DDX10: variants seen among roughly 807,000 people sequenced by gnomAD.
The protein encoded by DDX10 is probable ATP-dependent RNA helicase DDX10.
In DDX10, 74 loss-of-function variants were observed where a neutral mutation model predicts 104.3. The ratio of observed to expected loss-of-function variants is 0.71; its 90% CI spans 0.59 to 0.86. DDX10 has a LOEUF of 0.86. Ranked by LOEUF, DDX10 falls within the 40% of genes least tolerant of loss-of-function variation. The probability of loss-of-function intolerance (pLI) is 0.00; values close to 1 mark genes in which losing one functional copy is unlikely to be tolerated. For synonymous variants in DDX10, 351 were observed against 353.4 expected, an observed-to-expected ratio of 0.99 and a Z score of 0.08; for missense variants, 952 against 1,040.0, an observed-to-expected ratio of 0.92 and a Z score of 1.16.
intron 16 of DDX10, among the ~76,000 whole-genome samples, chr11:108,864,130 C>T (rs1051250526): frequency 6.6e-6 from 1 of 152,134 alleles, no homozygotes; most frequent in African/African-American, 2.4e-5. Flanking sequence ...CTATGAATCA[C>T]ATTAAAAAAT....
chr11:108,673,237 G>A (rs888341870), intron 1 of DDX10, among the ~76,000 whole-genome samples: 1 of 152,092 alleles, frequency 6.6e-6, no homozygotes, highest in Non-Finnish European at 1.5e-5. Context: ...GTGTGTATTG[G>A]GTGACTTTTT....
At chr11:108,879,036 G>A (rs993071212) in intron 16 of DDX10, among the ~76,000 whole-genome samples, 1 of 152,072 alleles carries the variant, frequency 6.6e-6, no homozygotes, top group Non-Finnish European at 1.5e-5. Context: ...ACGGAGTCTT[G>A]CTCTGTCGCC....
chr11:108,778,567 A>G (rs1248673634), intron 13 of DDX10, among the ~76,000 whole-genome samples: 8 of 152,032 alleles, frequency 5.3e-5, no homozygotes, highest in African/African-American at 1.7e-4. Context: ...AGACTTAAAT[A>G]TTAGACCTAA....
intron 16 of DDX10, among the ~76,000 whole-genome samples, chr11:108,890,568 T>TAA (rs558893673): frequency 7.3e-6 from 1 of 137,564 alleles, no homozygotes; most frequent in Non-Finnish European, 1.6e-5. Context: ...AAATGCCACT[T>TAA]AAAAAAAAAA....
chr11:108,918,181 T>C, intron 17 of DDX10, 163 bp downstream of exon 17: 1 of 699,668 alleles, frequency 1.4e-6, no homozygotes, highest in Non-Finnish European at 2.4e-6. Flanking sequence ...GTTTTTTTAC[T>C]CATTTTGCTG....
intron 16 of DDX10, among the ~76,000 whole-genome samples, chr11:108,912,879 T>G (rs141409621): frequency 1.3e-5 from 2 of 152,288 alleles, no homozygotes; most frequent in East Asian, 3.9e-4. Flanking sequence ...GTGTATTTAG[T>G]AAGAGGCTAA....
At chr11:108,912,810 C>T (rs1863697473) in intron 16 of DDX10, among the ~76,000 whole-genome samples, 1 of 152,206 alleles carries the variant, frequency 6.6e-6, no homozygotes, top group African/African-American at 2.4e-5. Flanking sequence ...CCTATTGCTT[C>T]ACTAAGCCAG....
intron 16 of DDX10, among the ~76,000 whole-genome samples, chr11:108,861,694 A>C (rs1420789836): frequency 6.6e-6 from 1 of 152,110 alleles, no homozygotes; most frequent in Non-Finnish European, 1.5e-5. Flanking sequence ...AGAGTGTTCT[A>C]ATTTCTTAAA....
chr11:108,794,663 T>C (rs541599083), intron 13 of DDX10, among the ~76,000 whole-genome samples: 32 of 152,276 alleles, frequency 2.1e-4, no homozygotes, highest in African/African-American at 7.2e-4. Flanking sequence ...ACGTGGTTAA[T>C]GGTGTTTATT....
At chr11:108,727,489 C>A (rs2094306759) in intron 13 of DDX10, among the ~76,000 whole-genome samples, 1 of 152,080 alleles carries the variant, frequency 6.6e-6, no homozygotes, top group Non-Finnish European at 1.5e-5. Flanking sequence ...CCTGCCTTCT[C>A]TACTTTATTC....
chr11:108,821,640 A>G (rs924403611), intron 13 of DDX10, among the ~76,000 whole-genome samples: 6 of 152,170 alleles, frequency 3.9e-5, no homozygotes, highest in Admixed American at 6.5e-5. Flanking sequence ...TTTTTCTGTC[A>G]GTTGCTCTAC....
intron 13 of DDX10, among the ~76,000 whole-genome samples, chr11:108,816,621 T>C (rs2126571): frequency 0.99 from 149,751 of 151,038 alleles, 74,261 homozygotes; most frequent in Middle Eastern, 1. Context: ...GGCACGATCT[T>C]GGCTCACTGC....
intron 16 of DDX10, among the ~76,000 whole-genome samples, chr11:108,854,063 G>A (rs1221357900): frequency 6.6e-6 from 1 of 152,196 alleles, no homozygotes; most frequent in African/African-American, 2.4e-5. Flanking sequence ...TGGCTGGTCT[G>A]CAGCCAGGAC....
At chr11:108,793,862 A>AT (rs1861903971) in intron 13 of DDX10, among the ~76,000 whole-genome samples, 4 of 140,414 alleles carry the variant, frequency 2.8e-5, no homozygotes, top group Admixed American at 2.3e-4. Flanking sequence ...CTATCATTCT[A>AT]TTTTTTACCT....
In DDX10 at chr11:108,840,399, C is replaced by T. The variant is rs114350693; in HGVS notation, c.2086-916C>T. Among the ~76,000 whole-genome samples the T allele has an allele frequency of 3.1e-3, 458 of 150,028 alleles. 4 individuals carry two copies. The highest frequency in any genetic ancestry group is 0.01 in the African/African-American group (426 of 41,412). ...ATGGTAGTTATTTAAATCTTTCTGG[C>T]AACTAATTATTAGATAAAACAAGAG... On this transcript the variant is annotated intron_variant, in intron 14 of 17. Coordinates refer to ENST00000322536, the MANE Select transcript of DDX10 (RefSeq NM_004398.4).
chr11:108,838,483 T>A lies in DDX10; in HGVS notation c.2003T>A (p.Met668Lys). The change falls in exon 14 of 18, where the codon ATG (methionine) becomes AAG (lysine). Residue 668 changes from methionine to lysine, a missense_variant. Around this residue, in one of 3 missense-constraint regions of DDX10, gnomAD observed 533 missense variants for 534.1 expected, o/e 1.00. Transcript: ENST00000322536. ...EPSKSSIKKK[M>K]TKVAEAKKVM... ...TCTAAATCCAGCATCAAGAAAAAAATGACCAAAGTTGCAGAAGCAAAAAAA... is the reference window on the plus strand; with the variant it reads ...TCTAAATCCAGCATCAAGAAAAAAAAGACCAAAGTTGCAGAAGCAAAAAAA... 1 of 1,612,610 alleles carries A rather than the reference T, an allele frequency of 6.2e-7. No homozygotes were observed. Among genetic ancestry groups the A allele is most frequent in the East Asian group, 2.2e-5 (1 of 44,756 alleles).
chr11:108,886,936 C>A (rs564146709), intron 16 of DDX10, among the ~76,000 whole-genome samples: 1 of 152,236 alleles, frequency 6.6e-6, no homozygotes, highest in South Asian at 2.1e-4. Flanking sequence ...ACTTTTATGA[C>A]CATTGTTTTA....
At chr11:108,800,441 T>C (rs1320028739) in intron 13 of DDX10, among the ~76,000 whole-genome samples, 1 of 5,176 alleles carries the variant, frequency 1.9e-4, no homozygotes, top group Non-Finnish European at 4.8e-4. Context: ...CGAGACTCTT[T>C]CAAAAAAAAA....
At chr11:108,894,862 C>T (rs892272202) in intron 16 of DDX10, among the ~76,000 whole-genome samples, 4 of 151,904 alleles carry the variant, frequency 2.6e-5, no homozygotes, top group African/African-American at 7.2e-5. Context: ...GAAAAACGTC[C>T]TTTACTACTG....
Sources: gnomAD v4.1 joint callset for allele counts (sites outside exome capture counted in the v4.1 genomes callset) on GRCh38, gnomAD v4.1.1 for gene constraint, gnomAD v4.1.1 regional missense constraint, MANE v1.5 for transcripts, NCBI Gene and HGNC (gene_info 2026-07-23, HGNC 2026-07-21) for gene names.